The following E2F5 variants were observed in gnomAD, a reference collection of about 807,000 sequenced individuals.
E2F5 encodes the protein E2F transcription factor 5.
E2F5 carries 23 observed loss-of-function variants against 39.1 expected under a neutral mutation model. The ratio of observed to expected loss-of-function variants is 0.59; its 90% CI spans 0.42 to 0.83. E2F5 has a LOEUF of 0.83. E2F5 is among the 40% of genes least tolerant of loss of function. The pLI is 0.00. For missense variants in E2F5, 365 were observed against 406.7 expected (o/e 0.90, Z 0.88); for synonymous variants, 145 against 157.8 (o/e 0.92, Z 0.61).
At chr8:85,187,471 A>G (rs1001806827) in intron 1 of E2F5, among the ~76,000 whole-genome samples, 1 of 152,092 alleles carries the variant, frequency 6.6e-6, no homozygotes, top group Non-Finnish European at 1.5e-5. Flanking sequence ...AGGTGCTGCT[A>G]TATTGGGTTC....
rs975263455 is a variant in E2F5, at chr8:85,209,403, T to C, written c.877T>C (p.Ser293Pro). The change falls in exon 6 of 8, where the codon TCT becomes CCT. Residue 293 changes from serine (S) to proline (P), a missense_variant. Transcript: ENST00000416274. ...GCAGCAGACATCAGCTACAGATATA[T>C]CTTCAGGTGGGTTCAGAGCCTTTCT... ...ALQQTSATDISSAGSISGDII... is the reference protein window; with the variant it reads ...ALQQTSATDIPSAGSISGDII... 10 of 1,606,852 alleles carry C rather than the reference T, an allele frequency of 6.2e-6. No individual in the cohort carries two copies. The highest frequency in any genetic ancestry group is 8.5e-6 in the Non-Finnish European group (10 of 1,176,298).
chr8:85,201,203 G>A (rs996904937), intron 1 of E2F5, among the ~76,000 whole-genome samples: 2 of 152,156 alleles, frequency 1.3e-5, no homozygotes, highest in African/African-American at 4.8e-5. Context: ...CTCTGGGAGA[G>A]CTGTTAGCAA....
Position 85,186,840 on chromosome 8 carries a change from A to G in E2F5, c.234+9186A>G, listed in dbSNP as rs565281777. Among the ~76,000 whole-genome samples the G allele has an allele frequency of 2.0e-5, 3 of 147,644 alleles. No homozygotes were observed. In the South Asian group the frequency reaches 6.4e-4, roughly 31 times the overall value. ...TGTATATATATGGTATATATATGTA[A>G]GGTGTATATATATGGTGTGTATATA... On this transcript the variant is annotated intron_variant, in intron 1 of 7. Transcript: ENST00000416274.
intron 4 of E2F5, 115 bp downstream of exon 4, chr8:85,206,335 T>TGGA: frequency 9.8e-7 from 1 of 1,017,650 alleles, no homozygotes; most frequent in Non-Finnish European, 1.5e-6. Flanking sequence ...GTGGGCATTG[T>TGGA]GTCTCACTCC....
chr8:85,195,912 A>G (rs1415235536), intron 1 of E2F5, among the ~76,000 whole-genome samples: 3 of 152,182 alleles, frequency 2.0e-5, no homozygotes, highest in Non-Finnish European at 4.4e-5. Flanking sequence ...TTTATCAAAT[A>G]TCTTTTTTTC....
chr8:85,199,189 C>T (rs914552892), intron 1 of E2F5, among the ~76,000 whole-genome samples: 3 of 152,026 alleles, frequency 2.0e-5, no homozygotes, highest in African/African-American at 7.3e-5. Flanking sequence ...TATTCTGCCA[C>T]ACTGGCCTGC....
intron 4 of E2F5, 132 bp from the exon 5 acceptor site, chr8:85,207,293 T>C (rs535148034): frequency 6.2e-6 from 4 of 649,684 alleles, no homozygotes; most frequent in South Asian, 4.2e-5. Flanking sequence ...TTTTATAGAA[T>C]TGAAAATCAA....
At chr8:85,177,691 A>C (rs758662007) in intron 1 of E2F5, 37 bp downstream of exon 1, 6 of 1,241,364 alleles carry the variant, frequency 4.8e-6, no homozygotes, top group Non-Finnish European at 6.1e-6. Flanking sequence ...CGGACTTCGG[A>C]ACCCGTGGCC....
chr8:85,186,281 T>G (rs960468278), intron 1 of E2F5, among the ~76,000 whole-genome samples: 1 of 152,056 alleles, frequency 6.6e-6, no homozygotes, highest in Non-Finnish European at 1.5e-5. Context: ...ACACCACATG[T>G]TCTCACTCGT....
At position 85,200,379 on chromosome 8, in the gene E2F5, G is replaced by A. The variant is rs905074551; in HGVS notation, c.235-1768G>A. On this transcript the variant is annotated intron_variant, in intron 1 of 7. Coordinates refer to ENST00000416274, the MANE Select transcript of E2F5 (RefSeq NM_001951.4). Reference sequence around the variant, plus strand: ...TAAAGTATTTGAGAAATAATGTTTAGTTTTAGAAACTAGGGGTTAAATGTT... The same window carrying A: ...TAAAGTATTTGAGAAATAATGTTTAATTTTAGAAACTAGGGGTTAAATGTT... 6.7e-6 allele frequency: 5 copies of A among 751,712 alleles called. No individual in the cohort carries two copies. In the East Asian group the frequency reaches 5.1e-4, roughly 77 times the overall value. The allele number at this position is 751,712 out of a possible 1,614,324, so 46.6% of individuals were successfully genotyped here.
chr8:85,196,468 C>G (rs1303692886), intron 1 of E2F5, among the ~76,000 whole-genome samples: 1 of 152,058 alleles, frequency 6.6e-6, no homozygotes, highest in East Asian at 1.9e-4. Context: ...AAATTAAGAT[C>G]TTTCTGTTTT....
At position 85,207,442 on chromosome 8, in the gene E2F5, A is replaced by G. The variant is rs1178629965; in HGVS notation, c.568A>G (p.Ile190Val). 1.9e-6 allele frequency: 3 copies of G among 1,560,890 alleles called. No individual in the cohort carries two copies. The highest frequency in any genetic ancestry group is 2.6e-6 in the Non-Finnish European group (3 of 1,151,318). Residue 190 changes from isoleucine to valine, a missense_variant, in exon 5 of 8, where the codon ATT (isoleucine) becomes GTT (valine). Ile to Val is a conservative substitution (Grantham distance 29). Transcript: ENST00000416274. ...TTGACCAGGTGATACACTTTTGGCC[A>G]TTCAGGCACCTTCTGGTACACAACT... ...NCFNGDTLLA[I>V]QAPSGTQLEV...
chr8:85,199,561 G>A (rs1485673395), intron 1 of E2F5, among the ~76,000 whole-genome samples: 2 of 128,938 alleles, frequency 1.6e-5, no homozygotes, highest in African/African-American at 5.6e-5. Flanking sequence ...TGGTGGTGGT[G>A]GTGGAGATTC....
intron 1 of E2F5, chr8:85,200,353 G>C: frequency 1.2e-6 from 1 of 822,388 alleles, no homozygotes; most frequent in Non-Finnish European, 1.4e-6. Flanking sequence ...TACTTAAATA[G>C]TAAAGTATTT....
chr8:85,208,476 C>T (rs565636110), intron 5 of E2F5, among the ~76,000 whole-genome samples: 1 of 152,262 alleles, frequency 6.6e-6, no homozygotes, highest in South Asian at 2.1e-4. Context: ...CATTTATTGA[C>T]TCTATGAGTT....
intron 6 of E2F5, among the ~76,000 whole-genome samples, chr8:85,210,159 A>G (rs1055975880): frequency 6.6e-6 from 1 of 152,204 alleles, no homozygotes; most frequent in African/African-American, 2.4e-5. Context: ...GCCAATATAG[A>G]CATCATATTG....
intron 6 of E2F5, 146 bp from the exon 7 acceptor site, chr8:85,212,011 G>T (rs1587503128): frequency 1.7e-6 from 1 of 576,298 alleles, no homozygotes. Context: ...CAGAGTAAGC[G>T]CTCATGAAAA....
At chr8:85,190,400 C>G (rs1812434631) in intron 1 of E2F5, among the ~76,000 whole-genome samples, 1 of 151,672 alleles carries the variant, frequency 6.6e-6, no homozygotes, top group Non-Finnish European at 1.5e-5. Flanking sequence ...TGGTCATGTC[C>G]TAATTCCCAG....
chr8:85,198,477 C>T (rs1167413983), intron 1 of E2F5, among the ~76,000 whole-genome samples: 2 of 152,142 alleles, frequency 1.3e-5, no homozygotes, highest in Non-Finnish European at 2.9e-5. Flanking sequence ...GAAATTTCTC[C>T]ATTAAGACTT....
Sources: allele counts gnomAD v4.1 joint callset (sites outside exome capture counted in the v4.1 genomes callset), GRCh38; gene constraint gnomAD v4.1.1; transcripts MANE v1.5; gene names NCBI Gene and HGNC (gene_info 2026-07-23, HGNC 2026-07-21).